Variants in ZCCHC4 observed in about 807,000 individuals in gnomAD.
ZCCHC4 encodes the protein zinc finger CCHC-type containing 4, also known as rRNA N(6)-adenosine-methyltransferase ZCCHC4.
ZCCHC4 carries 54 observed loss-of-function variants against 67.7 expected under a neutral mutation model. The ratio of observed to expected loss-of-function variants is 0.80; its 90% CI spans 0.64 to 1.00. ZCCHC4 has a LOEUF of 1.00. Ranked by LOEUF, ZCCHC4 falls within the 50% of genes least tolerant of loss-of-function variation. The probability of loss-of-function intolerance (pLI) is 0.00; values close to 1 mark genes in which losing one functional copy is unlikely to be tolerated. For missense variants in ZCCHC4, 609 were observed against 617.0 expected, an observed-to-expected ratio of 0.99 and a Z score of 0.14; for synonymous variants, 198 against 213.5, an observed-to-expected ratio of 0.93 and a Z score of 0.63.
At chr4:25,332,288 A>G (rs1376233692) in intron 3 of ZCCHC4, among the ~76,000 whole-genome samples, 1 of 107,826 alleles carries the variant, frequency 9.3e-6, no homozygotes, top group Non-Finnish European at 1.8e-5. Flanking sequence ...AGCCTGGGTG[A>G]CTCCATCTCA....
At chr4:25,314,018 T>G in intron 1 of ZCCHC4, 28 bp from the exon 2 acceptor site, 1 of 1,380,884 alleles carries the variant, frequency 7.2e-7, no homozygotes, top group South Asian at 1.3e-5. Flanking sequence ...CTTGACACTT[T>G]TTTTTTTTTT....
Position 25,359,940 on chromosome 4 carries a change from G to A in ZCCHC4, c.1012-1919G>A, listed in dbSNP as rs1484035646. 6.6e-6 allele frequency among the ~76,000 whole-genome samples: 1 copy of A among 152,250 alleles called. No homozygotes were observed. Among genetic ancestry groups the A allele is most frequent in the Admixed American group, 6.5e-5 (1 of 15,292 alleles). On this transcript the variant is annotated intron_variant, in intron 8 of 12. Transcript: ENST00000302874. This position sits in a 1 kb window ranked among gnomAD's most constrained non-coding sequence, Gnocchi z 4.9. ...CAATGTACAGCAAGTGCTGGTGCTG[G>A]TAGACACCAGCGCAGATACATTCTG...
chr4:25,325,070 C>T (rs941503102), intron 3 of ZCCHC4, among the ~76,000 whole-genome samples: 2 of 150,048 alleles, frequency 1.3e-5, no homozygotes, highest in Admixed American at 1.3e-4. Flanking sequence ...AGTGAAACCC[C>T]GTCTCTACTA....
chr4:25,316,186 C>T (rs1204234715), intron 3 of ZCCHC4, among the ~76,000 whole-genome samples: 6 of 152,260 alleles, frequency 3.9e-5, no homozygotes, highest in South Asian at 2.1e-4. Flanking sequence ...GAATAATATC[C>T]GTTGTCTGTC....
chr4:25,326,918 A>G (rs1001774687), intron 3 of ZCCHC4, among the ~76,000 whole-genome samples: 38 of 152,282 alleles, frequency 2.5e-4, no homozygotes, highest in African/African-American at 7.2e-4. Flanking sequence ...CTTTTGTCAG[A>G]TTTATCACGA....
rs61698522 is a variant in ZCCHC4 at position 25,331,430 on chromosome 4, A to G, written c.330-1753A>G. ...AGTGATCCTCCTGCCTCTGCCTCCT[A>G]AGTAGCTGGGACTACAGGCACATAC... On this transcript the variant is annotated intron_variant, in intron 3 of 12. Coordinates refer to ENST00000302874, the MANE Select transcript of ZCCHC4 (RefSeq NM_024936.3). Among the ~76,000 whole-genome samples the G allele has an allele frequency of 6.3e-3, 954 of 152,140 alleles. 9 individuals carry two copies. The highest frequency in any genetic ancestry group is 0.022 in the African/African-American group (893 of 41,496).
chr4:25,341,755 T>C (rs111854609), intron 5 of ZCCHC4, among the ~76,000 whole-genome samples: 128 of 152,346 alleles, frequency 8.4e-4, no homozygotes, highest in African/African-American at 2.9e-3. Flanking sequence ...ACATTTACCA[T>C]AGTAGCCATC....
rs780676513 is a variant in ZCCHC4, at chr4:25,333,371, A to T, written c.518A>T (p.Tyr173Phe). 1 of 1,614,132 alleles carries T rather than the reference A, an allele frequency of 6.2e-7. No homozygotes were observed. The highest frequency in any genetic ancestry group is 2.2e-5 in the East Asian group (1 of 44,868). The change falls in exon 4 of 13, where the codon TAT becomes TTT. Residue 173 changes from tyrosine to phenylalanine, a missense_variant. Transcript: ENST00000302874. The stretch of plus-strand genomic sequence containing the variant: ...GAAAACAAGAAGACAAATGCCCAGT[A>T]TCTGTTTGCTGATCGGAGCTGTCAG... ...PLENKKTNAQ[Y>F]LFADRSCQFL...
intron 8 of ZCCHC4, among the ~76,000 whole-genome samples, chr4:25,353,929 C>CT (rs1184289995): frequency 6.6e-6 from 1 of 152,068 alleles, no homozygotes; most frequent in African/African-American, 2.4e-5. Context: ...CCCTCAGGTC[C>CT]TTTTTTGATA....
At chr4:25,354,898 A>G (rs1489929777) in intron 8 of ZCCHC4, among the ~76,000 whole-genome samples, 1 of 125,158 alleles carries the variant, frequency 8.0e-6, no homozygotes, top group East Asian at 2.4e-4. Context: ...ATAGACCTTG[A>G]TTAGGCCTTT....
chr4:25,318,325 TC>T (rs1192805341), intron 3 of ZCCHC4, among the ~76,000 whole-genome samples: 2 of 129,552 alleles, frequency 1.5e-5, no homozygotes, highest in Non-Finnish European at 1.8e-5. Context: ...AAACCACTGT[TC>T]TTTTTTTTTT....
At chr4:25,346,265 A>G (rs1720015975) in intron 6 of ZCCHC4, among the ~76,000 whole-genome samples, 1 of 152,212 alleles carries the variant, frequency 6.6e-6, no homozygotes, top group Non-Finnish European at 1.5e-5. Flanking sequence ...TGCAGTTTAA[A>G]AAAGCTTCTT....
intron 5 of ZCCHC4, among the ~76,000 whole-genome samples, chr4:25,339,973 A>G (rs1422361465): frequency 6.6e-6 from 1 of 151,196 alleles, no homozygotes; most frequent in Non-Finnish European, 1.5e-5. Context: ...GCTTTGCACC[A>G]TTCTCCTGCC....
At chr4:25,329,127 C>T (rs959461932) in intron 3 of ZCCHC4, among the ~76,000 whole-genome samples, 1 of 152,032 alleles carries the variant, frequency 6.6e-6, no homozygotes, top group South Asian at 2.1e-4. Context: ...GTCAAGGCTG[C>T]AGTGAGCTGT....
At chr4:25,367,241 A>T (rs1720989260) in intron 12 of ZCCHC4, among the ~76,000 whole-genome samples, 1 of 152,222 alleles carries the variant, frequency 6.6e-6, no homozygotes. Flanking sequence ...TTTATCAGTT[A>T]CATAAATACC....
chr4:25,319,908 A>G (rs192756085), intron 3 of ZCCHC4, among the ~76,000 whole-genome samples: 2 of 152,284 alleles, frequency 1.3e-5, no homozygotes, highest in African/African-American at 2.4e-5. Context: ...AAAATTATAC[A>G]TATTCTATAA....
chr4:25,318,730 A>G (rs867196310), intron 3 of ZCCHC4, among the ~76,000 whole-genome samples: 1 of 152,278 alleles, frequency 6.6e-6, no homozygotes, highest in South Asian at 2.1e-4. Context: ...CATATTTTAT[A>G]TTAATTAGAA....
At chr4:25,324,016 T>TTTTTTTTTTTTTTG (rs1718728730) in intron 3 of ZCCHC4, among the ~76,000 whole-genome samples, 6 of 98,290 alleles carry the variant, frequency 6.1e-5, no homozygotes, top group Non-Finnish European at 1.1e-4. Flanking sequence ...TTTTTTGTGT[T>TTTTTTTTTTTTTTG]TTTTTTTTTT....
At chr4:25,318,329 T>C (rs1376460143) in intron 3 of ZCCHC4, among the ~76,000 whole-genome samples, 1 of 150,568 alleles carries the variant, frequency 6.6e-6, no homozygotes, top group East Asian at 1.9e-4. Context: ...CACTGTTCTT[T>C]TTTTTTTTTC....
Sources: gnomAD v4.1 joint callset for allele counts (sites outside exome capture counted in the v4.1 genomes callset) on GRCh38, gnomAD v4.1.1 for gene constraint, Gnocchi (gnomAD v3.1) non-coding constraint, MANE v1.5 for transcripts, NCBI Gene and HGNC (gene_info 2026-07-23, HGNC 2026-07-21) for gene names.